The following COMMD1 variants were observed in gnomAD, a reference collection of about 807,000 sequenced individuals.
COMMD1 encodes the protein COMM domain-containing protein 1.
Under a neutral mutation model 17.2 loss-of-function variants are expected in COMMD1, and 10 were observed. The observed-to-expected ratio is 0.58, with a 90% CI of 0.36 to 0.99. COMMD1 has a LOEUF of 0.99. COMMD1 is among the 50% of genes least tolerant of loss of function. The pLI is 0.01. For missense variants in COMMD1, 270 were observed against 231.8 expected, an observed-to-expected ratio of 1.17 and a Z score of -1.07; for synonymous variants, 97 against 91.6, an observed-to-expected ratio of 1.06 and a Z score of -0.34.
intron 2 of COMMD1, among the ~76,000 whole-genome samples, chr2:62,117,116 A>C (rs2104063265): frequency 6.6e-6 from 1 of 152,214 alleles, no homozygotes; most frequent in East Asian, 1.9e-4. Context: ...ACATACCCAC[A>C]GAAAGATAGA....
chr2:62,006,165 A>G (rs1371063226), intron 2 of COMMD1, among the ~76,000 whole-genome samples: 2 of 122,932 alleles, frequency 1.6e-5, no homozygotes, highest in African/African-American at 6.2e-5. Context: ...TGGACACAGG[A>G]AGGGGAACAT....
chr2:62,115,239 A>G (rs1672559049), intron 2 of COMMD1, among the ~76,000 whole-genome samples: 1 of 152,246 alleles, frequency 6.6e-6, no homozygotes, highest in African/African-American at 2.4e-5. Context: ...TTATGTCTGT[A>G]TGATTTCAAA....
At chr2:62,055,237 G>A (rs969659361) in intron 2 of COMMD1, among the ~76,000 whole-genome samples, 1 of 152,158 alleles carries the variant, frequency 6.6e-6, no homozygotes, top group African/African-American at 2.4e-5. Flanking sequence ...TTCCATCTGG[G>A]CCTCTTTTCC....
intron 1 of COMMD1, among the ~76,000 whole-genome samples, chr2:61,907,615 G>A (rs1321031819): frequency 1.3e-5 from 2 of 152,130 alleles, no homozygotes; most frequent in Admixed American, 6.5e-5. Flanking sequence ...CTAGGTGGAC[G>A]ACATTTTGAT....
At chr2:62,074,883 G>GTTTTTTTTTTTTTTTTTTTTTTTTTTGTT in intron 2 of COMMD1, among the ~76,000 whole-genome samples, 1 of 110,536 alleles carries the variant, frequency 9.0e-6, no homozygotes, top group Non-Finnish European at 1.8e-5. Flanking sequence ...TGTTTGTGTG[G>GTTTTTTTTTTTTTTTTTTTTTTTTTTGTT]TTTTTTTTTT....
At chr2:61,954,082 A>G (rs1359801341) in intron 1 of COMMD1, among the ~76,000 whole-genome samples, 2 of 151,932 alleles carry the variant, frequency 1.3e-5, no homozygotes, top group Non-Finnish European at 2.9e-5. Flanking sequence ...GCTGGCAGAT[A>G]CCTGTAATCT....
chr2:61,991,962 T>A (rs1235984151), intron 1 of COMMD1, among the ~76,000 whole-genome samples: 1 of 152,168 alleles, frequency 6.6e-6, no homozygotes, highest in Admixed American at 6.5e-5. Flanking sequence ...AATTCACATA[T>A]AATAAAATTA....
At chr2:62,116,167 T>G (rs1672597792) in intron 2 of COMMD1, among the ~76,000 whole-genome samples, 1 of 152,120 alleles carries the variant, frequency 6.6e-6, no homozygotes, top group African/African-American at 2.4e-5. Flanking sequence ...TTTTATGTGC[T>G]TGAAATTATA....
Position 61,998,231 on chromosome 2 carries a change from A to G in COMMD1, c.181-2470A>G, listed in dbSNP as rs1668819813. On this transcript the variant is annotated intron_variant, in intron 1 of 2. Transcript: ENST00000311832. ...CAAAACCTTCTCCATATCAGCAATA[A>G]GGCTGTTGTGCTTTCTTTTTTTTTT... 2.0e-5 allele frequency among the ~76,000 whole-genome samples: 3 copies of G among 150,534 alleles called. No homozygotes were observed. The South Asian group carries it at 6.3e-4, about 31-fold the overall frequency.
intron 2 of COMMD1, among the ~76,000 whole-genome samples, chr2:62,076,560 A>G (rs1444568045): frequency 6.6e-6 from 1 of 152,190 alleles, no homozygotes; most frequent in East Asian, 1.9e-4. Flanking sequence ...CAGCCTTGGC[A>G]ACATGGTGAA....
chr2:61,893,276 A>G, intron 1 of COMMD1, among the ~76,000 whole-genome samples: 1 of 151,962 alleles, frequency 6.6e-6, no homozygotes, highest in East Asian at 1.9e-4. Flanking sequence ...TCTAGTTAAC[A>G]TTTTTGTTAC....
At chr2:62,086,224 C>A (rs1038244914) in intron 2 of COMMD1, among the ~76,000 whole-genome samples, 7 of 151,486 alleles carry the variant, frequency 4.6e-5, no homozygotes, top group Non-Finnish European at 1.0e-4. Flanking sequence ...AATTTCTCTT[C>A]TGTGGCCGGG....
intron 2 of COMMD1, among the ~76,000 whole-genome samples, chr2:62,048,235 T>C (rs984666672): frequency 1.4e-5 from 2 of 146,318 alleles, no homozygotes; most frequent in Non-Finnish European, 3.0e-5. Flanking sequence ...CAGGCTGGAG[T>C]GCAGTGGCGC....
chr2:62,116,996 C>CAAA (rs11350513), intron 2 of COMMD1, among the ~76,000 whole-genome samples: 1 of 100,900 alleles, frequency 9.9e-6, no homozygotes, highest in African/African-American at 3.4e-5. Flanking sequence ...AACTTCGTCT[C>CAAA]AAAAAAAAAA....
At chr2:62,028,528 G>C (rs1669829421) in intron 2 of COMMD1, among the ~76,000 whole-genome samples, 1 of 152,064 alleles carries the variant, frequency 6.6e-6, no homozygotes, top group Admixed American at 6.6e-5. Flanking sequence ...AGCCATGACT[G>C]TGTCACTGCA....
At chr2:61,911,741 A>G (rs1669913515) in intron 1 of COMMD1, among the ~76,000 whole-genome samples, 1 of 152,190 alleles carries the variant, frequency 6.6e-6, no homozygotes, top group Non-Finnish European at 1.5e-5. Context: ...ATCCTTTAAA[A>G]AAGTGCGTTA....
intron 1 of COMMD1, among the ~76,000 whole-genome samples, chr2:61,944,675 A>G (rs1210194388): frequency 6.6e-6 from 1 of 152,298 alleles, no homozygotes; most frequent in East Asian, 1.9e-4. Flanking sequence ...CAAAAGTCAG[A>G]GTCAGGTAGT....
intron 2 of COMMD1, among the ~76,000 whole-genome samples, chr2:62,018,767 A>C (rs1216758038): frequency 2.0e-5 from 3 of 152,112 alleles, no homozygotes; most frequent in Non-Finnish European, 4.4e-5. Flanking sequence ...TAGGTGTCTT[A>C]GTGTGTTTTG....
At position 62,111,498 on chromosome 2, in the gene COMMD1, A is replaced by AT. The variant is rs373722257; in HGVS notation, c.463-24331dup. Among the ~76,000 whole-genome samples the AT allele has an allele frequency of 2.9e-3, 445 of 152,268 alleles. 1 individual carries two copies. Among genetic ancestry groups the AT allele is most frequent in the African/African-American group, 0.01 (431 of 41,546 alleles). ...GCAAGGCCTTTCGGTTCAGATTCTT[A>AT]TTGGCCTGTCTGTATAGCATTCCTT... On this transcript the variant is annotated intron_variant, in intron 2 of 2. Coordinates refer to ENST00000311832, the MANE Select transcript of COMMD1 (RefSeq NM_152516.4).
Sources: allele counts gnomAD v4.1 joint callset (sites outside exome capture counted in the v4.1 genomes callset), GRCh38; gene constraint gnomAD v4.1.1; transcripts MANE v1.5; gene names NCBI Gene and HGNC (gene_info 2026-07-23, HGNC 2026-07-21).